The following PDXK variants were observed in gnomAD, a reference collection of about 807,000 sequenced individuals.
The protein encoded by PDXK is epididymis secretory sperm binding protein Li 1a.
A neutral mutation model predicts 43.2 loss-of-function variants in PDXK; 15 were observed. The ratio of observed to expected loss-of-function variants is 0.35; its 90% confidence interval spans 0.23 to 0.53. PDXK has a LOEUF of 0.53. Among genes scored for constraint, PDXK ranks in the 20% least tolerant of loss-of-function variants. The probability of loss-of-function intolerance (pLI) is 0.92; values close to 1 mark genes in which losing one functional copy is unlikely to be tolerated. For synonymous variants in PDXK, 172 were observed against 165.4 expected (o/e 1.04, Z -0.31); for missense variants, 343 against 417.0 (o/e 0.82, Z 1.54).
At chr21:43,719,452 G>A in intron 1 of PDXK, 71 bp downstream of exon 1, 1 of 1,430,386 alleles carries the variant, frequency 7.0e-7, no homozygotes, top group Non-Finnish European at 9.4e-7. Flanking sequence ...CCCGAGACGA[G>A]CCTCAGTTCC....
In PDXK at chr21:43,732,149, C is replaced by T. The variant is rs1460992689; in HGVS notation, c.88-1920C>T. 7.2e-7 allele frequency: 1 copy of T among 1,384,676 alleles called. No homozygotes were observed. Among genetic ancestry groups the T allele is most frequent in the Non-Finnish European group, 9.3e-7 (1 of 1,072,018 alleles). The allele number at this position is 1,384,676 out of a possible 1,614,324, so 85.8% of individuals were successfully genotyped here. A position where few individuals can be genotyped will look rare whatever the true frequency, so the allele number is the denominator to read the frequency against. On this transcript the variant is annotated intron_variant, in intron 1 of 10. Coordinates refer to ENST00000291565, the MANE Select transcript of PDXK (RefSeq NM_003681.5). The surrounding 1 kb of genome is among the most constrained non-coding windows in gnomAD (Gnocchi z 4.1). ...CCATTCTCTTCGCAGGCTTCAGTTT[C>T]ACATTCTTGGTACCTCCTGGTGGTG...
chr21:43,742,667 A>G (rs1247521413), intron 3 of PDXK, among the ~76,000 whole-genome samples: 1 of 152,128 alleles, frequency 6.6e-6, no homozygotes, highest in East Asian at 1.9e-4. Flanking sequence ...GCTTGAGACC[A>G]GGAGTTCAAA....
At chr21:43,726,981 T>C (rs1390361980) in intron 1 of PDXK, among the ~76,000 whole-genome samples, 1 of 152,256 alleles carries the variant, frequency 6.6e-6, no homozygotes, top group East Asian at 1.9e-4. Context: ...GCGTGTGTCA[T>C]GGGCATGCAT....
At chr21:43,724,512 C>G (rs567251557) in intron 1 of PDXK, among the ~76,000 whole-genome samples, 25 of 152,044 alleles carry the variant, frequency 1.6e-4, no homozygotes, top group Non-Finnish European at 3.4e-4. Context: ...CTTGAGGGCC[C>G]TCAAGTCAGG....
chr21:43,722,372 T>A (rs2083213116), intron 1 of PDXK, among the ~76,000 whole-genome samples: 1 of 152,162 alleles, frequency 6.6e-6, no homozygotes, highest in Non-Finnish European at 1.5e-5. Flanking sequence ...ATGGGGGAGA[T>A]CCTGGGGCCC....
In PDXK at chr21:43,732,454, G is replaced by T; in HGVS notation, c.88-1615G>T. On this transcript the variant is annotated intron_variant, in intron 1 of 10. Coordinates refer to ENST00000291565, the MANE Select transcript of PDXK (RefSeq NM_003681.5). The surrounding 1 kb of genome is among the most constrained non-coding windows in gnomAD (Gnocchi z 4.1). Reference sequence around the variant, plus strand: ...CTGATTTTGATGGGGTGTGTGAAACGGAGATGCCAGCCCAGGGGCTCAGCT... The same window carrying T: ...CTGATTTTGATGGGGTGTGTGAAACTGAGATGCCAGCCCAGGGGCTCAGCT... 1 of 1,611,446 alleles carries T rather than the reference G, an allele frequency of 6.2e-7. No homozygotes were observed. Among genetic ancestry groups the T allele is most frequent in the Non-Finnish European group, 8.5e-7 (1 of 1,178,642 alleles).
chr21:43,728,952 A>C, intron 1 of PDXK: 1 of 985,524 alleles, frequency 1.0e-6, no homozygotes, highest in Non-Finnish European at 1.2e-6. Flanking sequence ...CCCCCAGGGC[A>C]GAGTGTAGCC....
intron 10 of PDXK, 61 bp downstream of exon 10, chr21:43,755,825 A>C (rs1259537156): frequency 6.6e-7 from 1 of 1,517,096 alleles, no homozygotes; most frequent in African/African-American, 1.4e-5. Context: ...GGTGGGAGAG[A>C]AGAGCTGGCA....
chr21:43,750,460 C>T (rs1234881240), intron 6 of PDXK, 40 bp from the exon 7 acceptor site: 6 of 1,570,216 alleles, frequency 3.8e-6, no homozygotes, highest in Non-Finnish European at 1.7e-6. Flanking sequence ...AGAGGAGAGG[C>T]TCACCTGTCC....
At position 43,734,614 on chromosome 21, in the gene PDXK, G is replaced by C. The variant is rs983673437; in HGVS notation, c.142+491G>C. Among the ~76,000 whole-genome samples the C allele has an allele frequency of 6.6e-6, 1 of 152,126 alleles. No homozygotes were observed. Among genetic ancestry groups the C allele is most frequent in the African/African-American group, 2.4e-5 (1 of 41,430 alleles). On this transcript the variant is annotated intron_variant, in intron 2 of 10. Transcript: ENST00000291565. This position sits in a 1 kb window ranked among gnomAD's most constrained non-coding sequence, Gnocchi z 5.0. ...GTGTAGGTGGTTCTGGGTTTTCTCT[G>C]TTAACAGCAGTGCTGCAGGGCCCCG...
At chr21:43,751,909 C>A (rs1015614728) in intron 7 of PDXK, among the ~76,000 whole-genome samples, 8 of 152,194 alleles carry the variant, frequency 5.3e-5, no homozygotes, top group Admixed American at 5.2e-4. Context: ...TCCCAAGCAG[C>A]CTGGCGCTGC....
chr21:43,747,609 C>T (rs965896753), intron 5 of PDXK, among the ~76,000 whole-genome samples: 1 of 152,238 alleles, frequency 6.6e-6, no homozygotes, highest in African/African-American at 2.4e-5. Context: ...CTGCAGGACC[C>T]CAGCTTGCAG....
At chr21:43,753,231 TAC>T (rs1779428083) in intron 8 of PDXK, among the ~76,000 whole-genome samples, 1 of 152,006 alleles carries the variant, frequency 6.6e-6, no homozygotes, top group Non-Finnish European at 1.5e-5. Context: ...GACACATGCA[TAC>T]ACACGGACAC....
rs201829939 is a variant in PDXK at position 43,741,735 on chromosome 21, C to A, written c.211C>A (p.Leu71Met). The A allele has an allele frequency of 5.1e-5, 83 of 1,612,340 alleles. No homozygotes were observed. Among genetic ancestry groups the A allele is most frequent in the Admixed American group, 6.7e-5 (4 of 59,942 alleles). Reference sequence around the variant, plus strand: ...CCAGGAGTTGTACGAAGGCCTGAGGCTGAACAACATGAATAAATATGACTA... The same window carrying A: ...CCAGGAGTTGTACGAAGGCCTGAGGATGAACAACATGAATAAATATGACTA... ...ELQELYEGLR[L>M]NNMNKYDYVL... The change falls in exon 3 of 11, where the codon CTG (leucine) becomes ATG (methionine). Residue 71 changes from leucine (L) to methionine (M), a missense_variant. By Grantham distance (15) the Leu-to-Met change is conservative (BLOSUM62 2). Transcript: ENST00000291565.
intron 3 of PDXK, 40 bp downstream of exon 3, chr21:43,741,811 C>G (rs780637766): frequency 1.5e-6 from 2 of 1,345,894 alleles, no homozygotes; most frequent in South Asian, 1.2e-5. Context: ...ACTACGCACC[C>G]CACTCCAGCC....
chr21:43,719,446 A>G, intron 1 of PDXK, 65 bp downstream of exon 1: 1 of 1,443,480 alleles, frequency 6.9e-7, no homozygotes, highest in East Asian at 2.8e-5. Flanking sequence ...GGGCTGCCCG[A>G]GACGAGCCTC....
intron 4 of PDXK, among the ~76,000 whole-genome samples, chr21:43,744,144 G>T (rs1390542695): frequency 6.6e-6 from 1 of 152,108 alleles, no homozygotes; most frequent in African/African-American, 2.4e-5. Context: ...GGCGGAAGGG[G>T]CAAGGGGCCA....
Position 43,758,031 on chromosome 21 carries a change from G to T in PDXK, c.*1968G>T, listed in dbSNP as rs899192131. 6.5e-6 allele frequency: 1 copy of T among 153,258 alleles called. No individual in the cohort carries two copies. Among genetic ancestry groups the T allele is most frequent in the South Asian group, 2.1e-4 (1 of 4,798 alleles). 9.5% of individuals were successfully genotyped at this position (153,258 alleles called of 1,614,324 possible). A position where few individuals can be genotyped will look rare whatever the true frequency, so the allele number is the denominator to read the frequency against. On this transcript the variant is annotated 3_prime_UTR_variant, in exon 11 of 11. Coordinates refer to ENST00000291565, the MANE Select transcript of PDXK (RefSeq NM_003681.5). ...CACCAAGAGCACGTATAGCATGGGGGAAAGAACCTAAATGTCTCTCTGTCC... is the reference window on the plus strand; with the variant it reads ...CACCAAGAGCACGTATAGCATGGGGTAAAGAACCTAAATGTCTCTCTGTCC...
At chr21:43,719,536 G>A (rs1368792485) in intron 1 of PDXK, 155 bp downstream of exon 1, 3 of 953,802 alleles carry the variant, frequency 3.1e-6, no homozygotes, top group African/African-American at 1.8e-5. Context: ...TGAGCCTCCC[G>A]CTCTGCTTGG....
Sources: allele counts gnomAD v4.1 joint callset (sites outside exome capture counted in the v4.1 genomes callset), GRCh38; gene constraint gnomAD v4.1.1; non-coding constraint Gnocchi (gnomAD v3.1); transcripts MANE v1.5; gene names NCBI Gene and HGNC (gene_info 2026-07-23, HGNC 2026-07-21).